The following LDB2 variants were observed in gnomAD, a reference collection of about 807,000 sequenced individuals.
LDB2 encodes the protein LIM domain-binding protein 2.
In LDB2, 12 loss-of-function variants were observed where a neutral mutation model predicts 44.3. The observed-to-expected ratio is 0.27, with a 90% CI of 0.17 to 0.44. The LOEUF (loss-of-function observed/expected upper bound fraction) is 0.44. Ranked by LOEUF, LDB2 falls within the 20% of genes least tolerant of loss-of-function variation. The pLI, the probability that LDB2 is intolerant of heterozygous loss-of-function variation, is 1.00. For missense variants in LDB2, 344 were observed against 473.5 expected, an observed-to-expected ratio of 0.73 and a Z score of 2.54; for synonymous variants, 164 against 174.8, an observed-to-expected ratio of 0.94 and a Z score of 0.49.
At chr4:16,841,770 A>G (rs767530763) in intron 1 of LDB2, among the ~76,000 whole-genome samples, 34 of 152,364 alleles carry the variant, frequency 2.2e-4, no homozygotes, top group Non-Finnish European at 4.1e-4. Flanking sequence ...AACAACTACA[A>G]TACTTTAGAG....
At chr4:16,618,062 A>T (rs1018046699) in intron 2 of LDB2, among the ~76,000 whole-genome samples, 7 of 152,084 alleles carry the variant, frequency 4.6e-5, no homozygotes, top group Non-Finnish European at 8.8e-5. Flanking sequence ...TGATTTCCAC[A>T]GGCCAATTCT....
At chr4:16,543,082 G>A (rs1028247910) in intron 5 of LDB2, among the ~76,000 whole-genome samples, 6 of 151,994 alleles carry the variant, frequency 3.9e-5, no homozygotes, top group Non-Finnish European at 7.4e-5. Context: ...CTTCATCCAT[G>A]TCCCTACAAA....
At chr4:16,824,831 T>C (rs1444934233) in intron 1 of LDB2, among the ~76,000 whole-genome samples, 2 of 152,268 alleles carry the variant, frequency 1.3e-5, no homozygotes, top group African/African-American at 2.4e-5. Context: ...AGCCATGTCC[T>C]GGCATGAGCC....
chr4:16,689,151 C>G (rs1009742117), intron 2 of LDB2, among the ~76,000 whole-genome samples: 1 of 152,134 alleles, frequency 6.6e-6, no homozygotes, highest in Non-Finnish European at 1.5e-5. Flanking sequence ...CTTTAATGAG[C>G]TGGGATATGG....
chr4:16,868,529 T>C (rs1715442683), intron 1 of LDB2, among the ~76,000 whole-genome samples: 1 of 152,172 alleles, frequency 6.6e-6, no homozygotes, highest in African/African-American at 2.4e-5. Context: ...AATCAAAGTC[T>C]GGTGGCAGAA....
intron 1 of LDB2, among the ~76,000 whole-genome samples, chr4:16,787,182 A>G (rs143839012): frequency 2.0e-5 from 3 of 152,296 alleles, no homozygotes; most frequent in East Asian, 3.9e-4. Flanking sequence ...CCACTCAATA[A>G]ACACGTATTG....
At chr4:16,618,519 GTATA>G (rs1483473685) in intron 2 of LDB2, among the ~76,000 whole-genome samples, 1 of 152,162 alleles carries the variant, frequency 6.6e-6, no homozygotes, top group African/African-American at 2.4e-5. Context: ...GTGTATGTGT[GTATA>G]TACACATATG....
At chr4:16,722,875 C>T (rs975191787) in intron 2 of LDB2, among the ~76,000 whole-genome samples, 14 of 152,052 alleles carry the variant, frequency 9.2e-5, no homozygotes, top group Non-Finnish European at 1.6e-4. Context: ...TATGATGGTT[C>T]CACTTATGAT....
chr4:16,872,184 C>T (rs542159117), intron 1 of LDB2, among the ~76,000 whole-genome samples: 1 of 151,766 alleles, frequency 6.6e-6, no homozygotes, highest in Non-Finnish European at 1.5e-5. Context: ...CCATAGAGCT[C>T]TCATTTCTGT....
At chr4:16,755,472 G>GGGGTGTGTGT (rs1412312264) in intron 2 of LDB2, among the ~76,000 whole-genome samples, 2 of 118,298 alleles carry the variant, frequency 1.7e-5, no homozygotes, top group African/African-American at 3.3e-5. Flanking sequence ...GTAGGAATAG[G>GGGGTGTGTGT]GTGTGTGTGT....
At chr4:16,670,462 A>G (rs899527962) in intron 2 of LDB2, among the ~76,000 whole-genome samples, 10 of 152,226 alleles carry the variant, frequency 6.6e-5, no homozygotes, top group African/African-American at 2.4e-4. Context: ...ACACTTCTCA[A>G]GGATGATGCC....
At position 16,844,997 on chromosome 4, in the gene LDB2, T is replaced by C. The variant is rs552237254; in HGVS notation, c.132+53357A>G. Among the ~76,000 whole-genome samples the C allele has an allele frequency of 3.0e-4, 46 of 152,304 alleles. No individual in the cohort carries two copies. The South Asian group carries it at 9.5e-3, about 32-fold the overall frequency. On this transcript the variant is annotated intron_variant, in intron 1 of 7. Transcript: ENST00000304523. Reference sequence around the variant, plus strand: ...ACATCCATAAGCAGATGCAGCGGAATCTACTGCCCACTGGGGGAAAGTTCA... The same window carrying C: ...ACATCCATAAGCAGATGCAGCGGAACCTACTGCCCACTGGGGGAAAGTTCA...
At chr4:16,804,026 G>A (rs546525314) in intron 1 of LDB2, among the ~76,000 whole-genome samples, 1 of 152,306 alleles carries the variant, frequency 6.6e-6, no homozygotes, top group Non-Finnish European at 1.5e-5. Context: ...ACTTGATTGA[G>A]TACTCTTAGA....
At chr4:16,711,446 G>GA (rs1755849406) in intron 2 of LDB2, among the ~76,000 whole-genome samples, 1 of 152,108 alleles carries the variant, frequency 6.6e-6, no homozygotes, top group East Asian at 1.9e-4. Flanking sequence ...GTGAAGATGG[G>GA]AAAAAGTGAG....
At chr4:16,719,422 C>T (rs1757769497) in intron 2 of LDB2, among the ~76,000 whole-genome samples, 2 of 152,102 alleles carry the variant, frequency 1.3e-5, no homozygotes, top group African/African-American at 4.8e-5. Context: ...GTCCGTTCCA[C>T]AGAGGATGAC....
chr4:16,636,666 T>C (rs1733686212), intron 2 of LDB2, among the ~76,000 whole-genome samples: 1 of 152,134 alleles, frequency 6.6e-6, no homozygotes, highest in Non-Finnish European at 1.5e-5. Context: ...CCTCTTACAT[T>C]TGGACTAAGG....
chr4:16,581,436 A>C, intron 5 of LDB2: 4 of 985,336 alleles, frequency 4.1e-6, no homozygotes, highest in Non-Finnish European at 4.8e-6. Flanking sequence ...GGAAAAAAAA[A>C]ATCTTTTGAA....
intron 2 of LDB2, among the ~76,000 whole-genome samples, chr4:16,607,478 C>T (rs1015519412): frequency 6.6e-6 from 1 of 152,242 alleles, no homozygotes; most frequent in Non-Finnish European, 1.5e-5. Context: ...GCTACTTACT[C>T]ATACTGTGAC....
At chr4:16,559,530 T>C (rs1364389987) in intron 5 of LDB2, among the ~76,000 whole-genome samples, 1 of 152,188 alleles carries the variant, frequency 6.6e-6, no homozygotes, top group Non-Finnish European at 1.5e-5. Flanking sequence ...CCTAAATATA[T>C]ATGCACCCAA....
Sources: gnomAD v4.1 joint callset for allele counts (sites outside exome capture counted in the v4.1 genomes callset) on GRCh38, gnomAD v4.1.1 for gene constraint, MANE v1.5 for transcripts, NCBI Gene and HGNC (gene_info 2026-07-23, HGNC 2026-07-21) for gene names.